Variants in ANXA13 observed in about 807,000 individuals in gnomAD.
The protein encoded by ANXA13 is annexin XIII.
Under a neutral mutation model 46.6 loss-of-function variants are expected in ANXA13, and 36 were observed. That is an observed-to-expected ratio of 0.77 (90% CI 0.59 to 1.02). The LOEUF is 1.02. ANXA13 is among the 50% of genes least tolerant of loss of function. ANXA13 has a pLI of 0.00. For synonymous variants in ANXA13, 163 were observed against 152.9 expected, an observed-to-expected ratio of 1.07 and a Z score of -0.49; for missense variants, 417 against 396.5, an observed-to-expected ratio of 1.05 and a Z score of -0.44.
intron 9 of ANXA13, 62 bp downstream of exon 9, chr8:123,688,809 C>G: frequency 6.8e-7 from 1 of 1,464,482 alleles, no homozygotes; most frequent in Non-Finnish European, 9.6e-7. Context: ...ACACAAACCT[C>G]TGTCTGAGTC....
chr8:123,704,245 A>C (rs1311436517), intron 2 of ANXA13, among the ~76,000 whole-genome samples: 1 of 151,708 alleles, frequency 6.6e-6, no homozygotes, highest in East Asian at 1.9e-4. Context: ...GGTGGGATCA[A>C]GGCACAGCAG....
intron 1 of ANXA13, among the ~76,000 whole-genome samples, chr8:123,719,706 C>G (rs1041638640): frequency 1.3e-5 from 2 of 152,150 alleles, no homozygotes; most frequent in Non-Finnish European, 2.9e-5. Flanking sequence ...TGCGTGCTTA[C>G]TATGACCTAT....
chr8:123,721,977 T>G (rs1813882257), intron 1 of ANXA13, among the ~76,000 whole-genome samples: 1 of 152,134 alleles, frequency 6.6e-6, no homozygotes, highest in Non-Finnish European at 1.5e-5. Flanking sequence ...TTGGGGTTAT[T>G]GTCTAAATAA....
chr8:123,722,721 C>A (rs1369858680), intron 1 of ANXA13, among the ~76,000 whole-genome samples: 3 of 152,144 alleles, frequency 2.0e-5, no homozygotes, highest in Non-Finnish European at 4.4e-5. Flanking sequence ...CCTGCCCACC[C>A]TGAAGAATCT....
chr8:123,702,745 C>T lies in ANXA13; in HGVS notation c.92-9G>A, dbSNP rs1813467926. 6.2e-7 allele frequency: 1 copy of T among 1,610,810 alleles called. No individual in the cohort carries two copies. The highest frequency in any genetic ancestry group is 1.3e-5 in the African/African-American group (1 of 74,804). ...GGCTGCTTCATTGGTCCCTAAAATA[C>T]AGGAGAAACAAACAAAGCCACAGTG... On this transcript the variant is annotated splice_polypyrimidine_tract_variant and intron_variant, in intron 2 of 10. Transcript: ENST00000419625.
At chr8:123,688,702 A>T (rs1813181362) in intron 9 of ANXA13, among the ~76,000 whole-genome samples, 169 bp downstream of exon 9, 1 of 152,108 alleles carries the variant, frequency 6.6e-6, no homozygotes, top group East Asian at 1.9e-4. Context: ...GGGATCAGCA[A>T]CGCCCCTGTT....
At chr8:123,728,018 C>A (rs1279748919) in intron 1 of ANXA13, 1 of 152,308 alleles carries the variant, frequency 6.6e-6, no homozygotes, top group South Asian at 2.1e-4. Context: ...CCTGTTGTCA[C>A]CTCCTGCTTC....
intron 2 of ANXA13, among the ~76,000 whole-genome samples, chr8:123,707,984 A>G (rs1813575197): frequency 6.6e-6 from 1 of 152,168 alleles, no homozygotes; most frequent in Non-Finnish European, 1.5e-5. Flanking sequence ...TGAAAACAAC[A>G]CTGGATTTCC....
At chr8:123,722,382 G>GAA (rs1554595378) in intron 1 of ANXA13, among the ~76,000 whole-genome samples, 112 of 126,374 alleles carry the variant, frequency 8.9e-4, no homozygotes, top group African/African-American at 2.9e-3. Context: ...AAGAAAGAAA[G>GAA]AAAGAAAGAA....
intron 1 of ANXA13, among the ~76,000 whole-genome samples, chr8:123,719,283 G>A (rs1173433547): frequency 1.3e-5 from 2 of 152,170 alleles, no homozygotes; most frequent in Non-Finnish European, 2.9e-5. Context: ...ATATGTTACA[G>A]GCAAATTAGA....
At chr8:123,689,180 G>A (rs376442372) in intron 8 of ANXA13, among the ~76,000 whole-genome samples, 3 of 151,470 alleles carry the variant, frequency 2.0e-5, no homozygotes, top group African/African-American at 4.8e-5. Flanking sequence ...TTTGACCTTA[G>A]TGCCACTCCC....
intron 2 of ANXA13, among the ~76,000 whole-genome samples, chr8:123,706,635 T>C (rs950788648): frequency 6.6e-6 from 1 of 152,194 alleles, no homozygotes; most frequent in African/African-American, 2.4e-5. Context: ...CCTCTGTTGC[T>C]CTCACTTTTT....
intron 1 of ANXA13, among the ~76,000 whole-genome samples, chr8:123,722,342 AAAAGAAAGAAAGAAAGAAAG>A (rs148382346): frequency 0.017 from 2,262 of 136,964 alleles, 33 homozygotes; most frequent in Non-Finnish European, 0.026. Context: ...GAAAGAAAAG[AAAAGAAAGAAAGAAAGAAAG>A]AAAGAAAGAA....
intron 3 of ANXA13, 116 bp downstream of exon 3, chr8:123,702,526 T>C (rs1813462695): frequency 1.2e-6 from 1 of 812,554 alleles, no homozygotes; most frequent in East Asian, 2.5e-5. Flanking sequence ...TCACTTTTCC[T>C]CCTGGGCTGA....
chr8:123,708,598 GCA>G (rs1228846227), intron 2 of ANXA13, among the ~76,000 whole-genome samples: 2 of 152,226 alleles, frequency 1.3e-5, no homozygotes, highest in African/African-American at 4.8e-5. Context: ...TAATGAATGG[GCA>G]CAGTCCTGCC....
chr8:123,710,898 CT>C (rs1357079530), intron 2 of ANXA13, among the ~76,000 whole-genome samples: 29 of 152,310 alleles, frequency 1.9e-4, no homozygotes, highest in African/African-American at 7.0e-4. Flanking sequence ...AATTAATCCA[CT>C]TTGCCCCTTG....
chr8:123,688,679 C>T (rs969237422), intron 9 of ANXA13, among the ~76,000 whole-genome samples, 192 bp downstream of exon 9: 4 of 152,140 alleles, frequency 2.6e-5, no homozygotes, highest in Admixed American at 2.6e-4. Context: ...ATCTCAGCTT[C>T]CAAGCTTCCT....
At chr8:123,712,806 T>C (rs1391765433) in intron 1 of ANXA13, 53 bp from the exon 2 acceptor site, 2 of 1,537,262 alleles carry the variant, frequency 1.3e-6, no homozygotes, top group South Asian at 1.1e-5. Flanking sequence ...TCCTAAATGA[T>C]CTCTGGCTAA....
At chr8:123,699,464 G>A (rs762158796) in intron 3 of ANXA13, among the ~76,000 whole-genome samples, 35 of 152,200 alleles carry the variant, frequency 2.3e-4, no homozygotes. Flanking sequence ...TTATAGGCGT[G>A]AGCCACCATG....
Sources: allele counts gnomAD v4.1 joint callset (sites outside exome capture counted in the v4.1 genomes callset), GRCh38; gene constraint gnomAD v4.1.1; transcripts MANE v1.5; gene names NCBI Gene and HGNC (gene_info 2026-07-23, HGNC 2026-07-21).